IRAK4: variants seen among roughly 807,000 people sequenced by gnomAD.
IRAK4 encodes the protein interleukin 1 receptor associated kinase 4, also known as interleukin-1 receptor-associated kinase 4.
Under a neutral mutation model 51.8 loss-of-function variants are expected in IRAK4, and 44 were observed. That is an observed-to-expected ratio of 0.85 (90% CI 0.67 to 1.09). The LOEUF is 1.09. IRAK4 is among the 50% of genes least tolerant of loss of function. The pLI is 0.00. For missense variants in IRAK4, 487 were observed against 538.0 expected, an observed-to-expected ratio of 0.91 and a Z score of 0.94; for synonymous variants, 149 against 174.1, an observed-to-expected ratio of 0.86 and a Z score of 1.13.
chr12:43,771,196 G>GTTTCT (rs1299528497), intron 2 of IRAK4, 24 bp from the exon 3 acceptor site: 9 of 1,600,748 alleles, frequency 5.6e-6, no homozygotes, highest in Non-Finnish European at 7.7e-6. Flanking sequence ...GACTAATTTT[G>GTTTCT]TTTCTTTGTT....
At chr12:43,768,356 C>A in intron 2 of IRAK4, 84 bp downstream of exon 2, 1 of 1,058,132 alleles carries the variant, frequency 9.5e-7, no homozygotes, top group Non-Finnish European at 1.4e-6. Flanking sequence ...TCTAATGTGG[C>A]AGTTTAGAAA....
intron 2 of IRAK4, 103 bp from the exon 3 acceptor site, chr12:43,771,117 A>G: frequency 9.6e-7 from 1 of 1,043,394 alleles, no homozygotes; most frequent in Non-Finnish European, 1.4e-6. Flanking sequence ...GAGCCAAATT[A>G]ACTATTATTT....
Position 43,772,222 on chromosome 12 carries a change from C to T in IRAK4, c.350C>T (p.Ala117Val). Residue 117 changes from alanine (A) to valine (V), a missense_variant, in exon 4 of 12, where the codon GCT (alanine) becomes GTT (valine). Coordinates refer to ENST00000613694, the MANE Select transcript of IRAK4 (RefSeq NM_016123.4). The stretch of plus-strand genomic sequence containing the variant: ...GCTAATACACTACCTTCTAAAGAAG[C>T]TATAACAGTTCAGCAAAAACAGATG... ...KTANTLPSKE[A>V]ITVQQKQMPF... 1.2e-6 allele frequency: 2 copies of T among 1,613,638 alleles called. No individual in the cohort carries two copies.
At chr12:43,764,102 T>G (rs1019709108) in intron 1 of IRAK4, among the ~76,000 whole-genome samples, 5 of 152,204 alleles carry the variant, frequency 3.3e-5, no homozygotes, top group Admixed American at 6.5e-5. Context: ...TCAAAAAGTT[T>G]GTGGAAAAAT....
At chr12:43,785,762 A>T (rs1424119417) in intron 10 of IRAK4, among the ~76,000 whole-genome samples, 3 of 151,634 alleles carry the variant, frequency 2.0e-5, no homozygotes, top group African/African-American at 7.3e-5. Flanking sequence ...ACAAACCTAG[A>T]TGATATGACC....
At chr12:43,763,603 G>T (rs1939802389) in intron 1 of IRAK4, 1 of 152,024 alleles carries the variant, frequency 6.6e-6, no homozygotes, top group Admixed American at 6.5e-5. Flanking sequence ...GCCCTTTGGG[G>T]TCTACAATAG....
chr12:43,783,958 G>T (rs1179248453), intron 10 of IRAK4, among the ~76,000 whole-genome samples: 1 of 152,052 alleles, frequency 6.6e-6, no homozygotes, highest in African/African-American at 2.4e-5. Context: ...TTCTTTGTGG[G>T]TAAAATGAGA....
At chr12:43,785,456 A>C (rs773402967) in intron 10 of IRAK4, among the ~76,000 whole-genome samples, 3 of 152,026 alleles carry the variant, frequency 2.0e-5, no homozygotes, top group Non-Finnish European at 2.9e-5. Context: ...GCGCTATTAG[A>C]AGCACATCAA....
chr12:43,776,015 G>A (rs773928231), intron 6 of IRAK4, among the ~76,000 whole-genome samples: 2 of 151,236 alleles, frequency 1.3e-5, no homozygotes, highest in Non-Finnish European at 2.9e-5. Flanking sequence ...CAGAGTAGCT[G>A]GGACTACAGG....
chr12:43,789,167 C>T lies in IRAK4; in HGVS notation c.*2452C>T, dbSNP rs1942400496. The T allele has an allele frequency of 6.6e-6, 1 of 151,854 alleles. No individual in the cohort carries two copies. The highest frequency in any genetic ancestry group is 2.4e-5 in the African/African-American group (1 of 41,300). 9.4% of individuals were successfully genotyped at this position (151,854 alleles called of 1,614,324 possible). On this transcript the variant is annotated 3_prime_UTR_variant, in exon 12 of 12. Coordinates refer to ENST00000613694, the MANE Select transcript of IRAK4 (RefSeq NM_016123.4). ...TCAAATTTCATGTTTAAATGTAATC[C>T]CCAGTGTTGGGGGTGGAGGTGGGGC...
rs765675532 is a variant in IRAK4, at chr12:43,771,207, A to C, written c.162-13A>C. ...AATAGACTAATTTTGTTTCTTTGTT[A>C]CTTACTTTTAAGGAGATTTGAAGCA... On this transcript the variant is annotated splice_polypyrimidine_tract_variant and intron_variant, in intron 2 of 11. Coordinates refer to ENST00000613694, the MANE Select transcript of IRAK4 (RefSeq NM_016123.4). 1.2e-6 allele frequency: 2 copies of C among 1,610,884 alleles called. No homozygotes were observed. The highest frequency in any genetic ancestry group is 2.7e-5 in the African/African-American group (2 of 74,976).
At chr12:43,783,880 C>T (rs1941993876) in intron 10 of IRAK4, among the ~76,000 whole-genome samples, 156 bp downstream of exon 10, 1 of 152,160 alleles carries the variant, frequency 6.6e-6, no homozygotes, top group Admixed American at 6.5e-5. Context: ...TAAATATTTT[C>T]ATTCTCAGCT....
intron 1 of IRAK4, among the ~76,000 whole-genome samples, chr12:43,767,031 A>G (rs770840452): frequency 9.9e-5 from 15 of 152,226 alleles, no homozygotes; most frequent in East Asian, 1.9e-4. Flanking sequence ...CCTCTGATAC[A>G]GAGAAGCTTT....
Position 43,786,793 on chromosome 12 carries a change from ATTC to A in IRAK4, c.*84_*86del, listed in dbSNP as rs886049388. The A allele has an allele frequency of 3.2e-5, 40 of 1,256,784 alleles. No homozygotes were observed. The highest frequency in any genetic ancestry group is 4.5e-5 in the Non-Finnish European group (39 of 863,286). The allele number at this position is 1,256,784 out of a possible 1,614,324, so 77.9% of individuals were successfully genotyped here. A position where few individuals can be genotyped will look rare whatever the true frequency, so the allele number is the denominator to read the frequency against. Reference sequence around the variant, plus strand: ...TTTTTAACTGATTTTTTTCCTAAATATTCTTCTTTACCTTTAACAAGGCATAGG... The same window carrying A: ...TTTTTAACTGATTTTTTTCCTAAATATTCTTTACCTTTAACAAGGCATAGG... On this transcript the variant is annotated 3_prime_UTR_variant, in exon 12 of 12. Transcript: ENST00000613694.
chr12:43,773,971 G>T lies in IRAK4; in HGVS notation c.658G>T (p.Asp220Tyr). The T allele has an allele frequency of 6.3e-7, 1 of 1,598,358 alleles. No homozygotes were observed. The highest frequency in any genetic ancestry group is 1.1e-5 in the South Asian group (1 of 90,780). The stretch of plus-strand genomic sequence containing the variant: ...GTATATTTTATTTTTTCAGATGGTT[G>T]ACATTACTACTGAAGAACTGAAACA... ...VAVKKLAAMV[D>Y]ITTEELKQQF... is the part of the protein sequence containing the mutation. The change falls in exon 6 of 12, where the codon GAC (aspartate) becomes TAC (tyrosine). Residue 220 changes from aspartate to tyrosine, a missense_variant. Asp to Tyr is a radical substitution (Grantham distance 160). Transcript: ENST00000613694.
At chr12:43,771,677 T>C (rs533287770) in intron 3 of IRAK4, among the ~76,000 whole-genome samples, 1 of 152,336 alleles carries the variant, frequency 6.6e-6, no homozygotes, top group South Asian at 2.1e-4. Flanking sequence ...TCTTCCTTTT[T>C]TTCATCTTCA....
chr12:43,780,391 G>C (rs1941672765), intron 8 of IRAK4, among the ~76,000 whole-genome samples: 1 of 152,064 alleles, frequency 6.6e-6, no homozygotes, highest in Non-Finnish European at 1.5e-5. Flanking sequence ...AGATTAAAAG[G>C]GAGAGGATAG....
At chr12:43,766,149 A>G (rs1277508577) in intron 1 of IRAK4, among the ~76,000 whole-genome samples, 1 of 152,044 alleles carries the variant, frequency 6.6e-6, no homozygotes, top group African/African-American at 2.4e-5. Context: ...ATAAGTTCAA[A>G]CTCTTTGTCT....
chr12:43,770,961 T>TTC (rs4251468), intron 2 of IRAK4: 5 of 628,238 alleles, frequency 8.0e-6, no homozygotes, highest in East Asian at 3.2e-5. Context: ...ATTTTTCTTT[T>TTC]TCTCTCTCTC....
Sources: gnomAD v4.1 joint callset for allele counts (sites outside exome capture counted in the v4.1 genomes callset) on GRCh38, gnomAD v4.1.1 for gene constraint, MANE v1.5 for transcripts, NCBI Gene and HGNC (gene_info 2026-07-23, HGNC 2026-07-21) for gene names.